RIN2: variants seen among roughly 807,000 people sequenced by gnomAD.
The protein encoded by RIN2 is Ras and Rab interactor 2, also known as RAB5 interacting protein 2.
RIN2 carries 36 observed loss-of-function variants against 78.0 expected under a neutral mutation model. The ratio of observed to expected loss-of-function variants is 0.46; its 90% CI spans 0.35 to 0.61. The LOEUF is 0.61. RIN2 is among the 20% of genes least tolerant of loss of function. The probability of loss-of-function intolerance (pLI) is 0.00; values close to 1 mark genes in which losing one functional copy is unlikely to be tolerated. For missense variants in RIN2, 1,087 were observed against 1,159.7 expected, an observed-to-expected ratio of 0.94 and a Z score of 0.91; for synonymous variants, 466 against 466.8, an observed-to-expected ratio of 1.00 and a Z score of 0.02.
intron 3 of RIN2, among the ~76,000 whole-genome samples, chr20:19,892,899 T>A (rs1353624346): frequency 6.6e-6 from 1 of 152,212 alleles, no homozygotes; most frequent in Non-Finnish European, 1.5e-5. Flanking sequence ...GGCCCTGCTC[T>A]GACTCACCAT....
chr20:19,798,575 G>A (rs2035139564), intron 1 of RIN2, among the ~76,000 whole-genome samples: 2 of 152,074 alleles, frequency 1.3e-5, no homozygotes, highest in African/African-American at 2.4e-5. Context: ...GAACAAGCAG[G>A]AGAGTGGAGC....
At chr20:19,944,690 C>CTT (rs11474376) in intron 4 of RIN2, among the ~76,000 whole-genome samples, 13,777 of 148,960 alleles carry the variant, frequency 0.092, 662 homozygotes, top group East Asian at 0.097. Flanking sequence ...AGAGAAGTGG[C>CTT]TTTTTTTTTT....
chr20:19,902,471 C>CT (rs372018510), intron 3 of RIN2, among the ~76,000 whole-genome samples: 17 of 152,286 alleles, frequency 1.1e-4, no homozygotes, highest in African/African-American at 4.1e-4. Context: ...ATGGCCATCT[C>CT]TGAGTTTCCT....
intron 7 of RIN2, among the ~76,000 whole-genome samples, chr20:19,969,681 C>A (rs924526576): frequency 6.6e-6 from 1 of 152,178 alleles, no homozygotes; most frequent in Non-Finnish European, 1.5e-5. Flanking sequence ...GATGCAATGT[C>A]TGGCACATTG....
At chr20:19,865,522 T>C (rs2037479169) in intron 2 of RIN2, among the ~76,000 whole-genome samples, 2 of 91,816 alleles carry the variant, frequency 2.2e-5, no homozygotes, top group Non-Finnish European at 4.4e-5. Context: ...TGTCTTGCTC[T>C]GTTAACCCAG....
At chr20:19,889,695 G>A in intron 3 of RIN2, 37 bp downstream of exon 3, 2 of 1,419,898 alleles carry the variant, frequency 1.4e-6, no homozygotes, top group Non-Finnish European at 1.9e-6. Context: ...CAACTCGTCG[G>A]CTTGCTGCCT....
chr20:19,828,760 T>A (rs2036169347), intron 2 of RIN2, among the ~76,000 whole-genome samples: 1 of 152,194 alleles, frequency 6.6e-6, no homozygotes. Context: ...GAGTGTCCCA[T>A]TCCCTGTGAT....
At chr20:19,787,223 C>A (rs2080012597) in intron 1 of RIN2, among the ~76,000 whole-genome samples, 1 of 151,938 alleles carries the variant, frequency 6.6e-6, no homozygotes, top group South Asian at 2.1e-4. Flanking sequence ...GAGTTCGAGA[C>A]CAGCCTGGCC....
chr20:19,974,544 C>G, intron 8 of RIN2, 110 bp from the exon 9 acceptor site: 2 of 1,098,540 alleles, frequency 1.8e-6, no homozygotes, highest in Non-Finnish European at 2.6e-6. Context: ...CACCCCCTAC[C>G]CCACCCCGCA....
intron 3 of RIN2, among the ~76,000 whole-genome samples, chr20:19,913,888 T>G (rs1404546312): frequency 2.0e-5 from 3 of 152,222 alleles, no homozygotes; most frequent in African/African-American, 7.2e-5. Context: ...CTGCTATGAA[T>G]GTGGATTAGA....
At chr20:19,964,897 C>A in intron 6 of RIN2, 55 bp from the exon 7 acceptor site, 1 of 1,468,646 alleles carries the variant, frequency 6.8e-7, no homozygotes, top group African/African-American at 1.4e-5. Flanking sequence ...GGGGCTCTTC[C>A]TGTCCCAGAA....
At chr20:19,863,955 G>A (rs1166016863) in intron 2 of RIN2, among the ~76,000 whole-genome samples, 2 of 150,640 alleles carry the variant, frequency 1.3e-5, no homozygotes, top group African/African-American at 4.9e-5. Flanking sequence ...TTTACAACAC[G>A]CATTCTCAAC....
intron 3 of RIN2, among the ~76,000 whole-genome samples, chr20:19,918,223 A>C (rs2039762826): frequency 6.6e-6 from 1 of 150,962 alleles, no homozygotes. Context: ...TTTAAGCTTA[A>C]GGAAACCAAA....
intron 2 of RIN2, among the ~76,000 whole-genome samples, chr20:19,880,889 A>G (rs1483248167): frequency 6.6e-6 from 1 of 152,202 alleles, no homozygotes; most frequent in Non-Finnish European, 1.5e-5. Flanking sequence ...TAGAAATGGA[A>G]CCCACTAAGT....
chr20:19,949,197 G>A lies in RIN2; in HGVS notation c.159-7418G>A, dbSNP rs938309835. ...CTTAGGAAGCTGAGGCAGGAGAATCGCTTGAGCCTGGGAGGCAGAGGTTGC... is the reference window on the plus strand; with the variant it reads ...CTTAGGAAGCTGAGGCAGGAGAATCACTTGAGCCTGGGAGGCAGAGGTTGC... On this transcript the variant is annotated intron_variant, in intron 4 of 12. Transcript: ENST00000255006. Among the ~76,000 whole-genome samples the A allele has an allele frequency of 3.9e-5, 6 of 152,302 alleles. No individual in the cohort carries two copies. The East Asian group carries it at 7.7e-4, about 20-fold the overall frequency.
At chr20:19,821,369 G>A (rs998187506) in intron 2 of RIN2, among the ~76,000 whole-genome samples, 1 of 152,048 alleles carries the variant, frequency 6.6e-6, no homozygotes, top group Non-Finnish European at 1.5e-5. Context: ...TCACCCATAT[G>A]TGCCCCACCC....
At chr20:19,835,261 A>G (rs1264452135) in intron 2 of RIN2, among the ~76,000 whole-genome samples, 3 of 152,090 alleles carry the variant, frequency 2.0e-5, no homozygotes, top group African/African-American at 7.2e-5. Flanking sequence ...ATTATAGCAC[A>G]TTGTTTTGTT....
At chr20:19,910,476 A>G (rs1326358296) in intron 3 of RIN2, among the ~76,000 whole-genome samples, 1 of 148,252 alleles carries the variant, frequency 6.7e-6, no homozygotes, top group Non-Finnish European at 1.5e-5. Flanking sequence ...CTTGGCCTTC[A>G]TACTCTCTTT....
chr20:19,962,340 G>T (rs886307766), intron 6 of RIN2, among the ~76,000 whole-genome samples: 1 of 151,418 alleles, frequency 6.6e-6, no homozygotes, highest in African/African-American at 2.4e-5. Context: ...CACAAGGCAA[G>T]AAGCCACAGA....
Sources: gnomAD v4.1 joint callset for allele counts (sites outside exome capture counted in the v4.1 genomes callset) on GRCh38, gnomAD v4.1.1 for gene constraint, MANE v1.5 for transcripts, NCBI Gene and HGNC (gene_info 2026-07-23, HGNC 2026-07-21) for gene names.